Variants in KCTD8 observed in about 807,000 individuals in gnomAD.
KCTD8 encodes the protein BTB/POZ domain-containing protein KCTD8.
In KCTD8, 27 loss-of-function variants were observed where a neutral mutation model predicts 31.5. That is an observed-to-expected ratio of 0.86 (90% CI 0.63 to 1.18). The LOEUF (loss-of-function observed/expected upper bound fraction) is 1.18, where lower values mean the gene tolerates loss of function less well. KCTD8 is among the 50% of genes most tolerant of loss of function. The pLI, the probability that KCTD8 is intolerant of heterozygous loss-of-function variation, is 0.00. For missense variants in KCTD8, 658 were observed against 647.7 expected (o/e 1.02, Z -0.17); for synonymous variants, 290 against 280.0 (o/e 1.04, Z -0.36).
At chr4:44,308,283 T>C (rs189873815) in intron 1 of KCTD8, among the ~76,000 whole-genome samples, 143 of 151,854 alleles carry the variant, frequency 9.4e-4, no homozygotes, top group African/African-American at 3.4e-3. Flanking sequence ...AATCAATAAG[T>C]GCTCACTAAG....
chr4:44,225,293 CTT>C (rs1432631411), intron 1 of KCTD8, among the ~76,000 whole-genome samples: 22 of 152,230 alleles, frequency 1.4e-4, no homozygotes, highest in African/African-American at 5.3e-4. Flanking sequence ...TTCCTTTCTG[CTT>C]TGTTTCCACA....
At chr4:44,216,121 C>T (rs760856133) in intron 1 of KCTD8, among the ~76,000 whole-genome samples, 17 of 152,040 alleles carry the variant, frequency 1.1e-4, no homozygotes, top group Non-Finnish European at 2.4e-4. Flanking sequence ...CAATTCTAAA[C>T]GAGAGTTTAT....
At chr4:44,282,711 T>G (rs1193651559) in intron 1 of KCTD8, among the ~76,000 whole-genome samples, 1 of 152,092 alleles carries the variant, frequency 6.6e-6, no homozygotes. Flanking sequence ...AAAAGAGCCT[T>G]ATTTTTGATA....
intron 1 of KCTD8, among the ~76,000 whole-genome samples, chr4:44,259,783 G>A (rs1434703230): frequency 6.6e-6 from 1 of 151,882 alleles, no homozygotes; most frequent in Non-Finnish European, 1.5e-5. Context: ...AAGTGTTGAT[G>A]TGAGTGAGCA....
chr4:44,303,155 A>C (rs577406247), intron 1 of KCTD8, among the ~76,000 whole-genome samples: 2 of 152,254 alleles, frequency 1.3e-5, no homozygotes, highest in East Asian at 3.9e-4. Flanking sequence ...ATCGATGTTC[A>C]TCAAGGATAT....
chr4:44,359,976 T>C (rs1482545997), intron 1 of KCTD8, among the ~76,000 whole-genome samples: 1 of 152,056 alleles, frequency 6.6e-6, no homozygotes, highest in East Asian at 1.9e-4. Flanking sequence ...TTATGTAGAT[T>C]ATTACATTAA....
chr4:44,228,979 A>G (rs1715043225), intron 1 of KCTD8, among the ~76,000 whole-genome samples: 1 of 152,194 alleles, frequency 6.6e-6, no homozygotes, highest in African/African-American at 2.4e-5. Context: ...TTTCATTTTC[A>G]CCAGACTTCC....
intron 1 of KCTD8, among the ~76,000 whole-genome samples, chr4:44,322,486 C>A (rs1380571226): frequency 6.6e-6 from 1 of 151,914 alleles, no homozygotes; most frequent in Non-Finnish European, 1.5e-5. Flanking sequence ...TTAATATAGT[C>A]TAGTAATTAA....
At chr4:44,363,813 T>C (rs537805017) in intron 1 of KCTD8, among the ~76,000 whole-genome samples, 1 of 152,142 alleles carries the variant, frequency 6.6e-6, no homozygotes, top group Non-Finnish European at 1.5e-5. Flanking sequence ...ACATGGGGGT[T>C]GGTTGAAGGA....
At chr4:44,323,525 T>A (rs1054024628) in intron 1 of KCTD8, among the ~76,000 whole-genome samples, 2 of 72,708 alleles carry the variant, frequency 2.8e-5, no homozygotes, top group Non-Finnish European at 4.9e-5. Context: ...AAATTAAAAA[T>A]TAAAAAAAAT....
At chr4:44,180,585 ATG>A (rs113405572) in intron 1 of KCTD8, among the ~76,000 whole-genome samples, 2,224 of 134,508 alleles carry the variant, frequency 0.017, 52 homozygotes, top group African/African-American at 0.07. Context: ...GTATACATAC[ATG>A]CACACACACA....
chr4:44,358,631 C>T (rs13129857), intron 1 of KCTD8, among the ~76,000 whole-genome samples: 8,764 of 151,720 alleles, frequency 0.058, 269 homozygotes, highest in Middle Eastern at 0.095. Flanking sequence ...TGTAGTGGCA[C>T]GATCTCGGCT....
At chr4:44,358,850 T>C (rs1719424445) in intron 1 of KCTD8, among the ~76,000 whole-genome samples, 1 of 152,226 alleles carries the variant, frequency 6.6e-6, no homozygotes, top group South Asian at 2.1e-4. Context: ...CCTGACTTTT[T>C]AATGATTGCC....
At chr4:44,440,143 G>A (rs948711086) in intron 1 of KCTD8, among the ~76,000 whole-genome samples, 1 of 151,846 alleles carries the variant, frequency 6.6e-6, no homozygotes, top group Non-Finnish European at 1.5e-5. Context: ...ATGTTGGCCA[G>A]GCTGGTCTTG....
At chr4:44,301,385 C>A (rs1717616793) in intron 1 of KCTD8, among the ~76,000 whole-genome samples, 1 of 152,100 alleles carries the variant, frequency 6.6e-6, no homozygotes, top group Non-Finnish European at 1.5e-5. Flanking sequence ...CCTGTTGTTT[C>A]CTGACTTTTT....
At chr4:44,353,055 T>C (rs919043935) in intron 1 of KCTD8, among the ~76,000 whole-genome samples, 3 of 152,142 alleles carry the variant, frequency 2.0e-5, no homozygotes, top group Non-Finnish European at 4.4e-5. Context: ...AAGTGGTGAT[T>C]ATCACTAGAA....
chr4:44,348,930 T>G (rs1162269708), intron 1 of KCTD8, among the ~76,000 whole-genome samples: 1 of 152,200 alleles, frequency 6.6e-6, no homozygotes. Context: ...TTTCTGATTT[T>G]TTTCCTCTCT....
Position 44,263,926 on chromosome 4 carries a change from C to T in KCTD8, c.962-88676G>A, listed in dbSNP as rs552890924. ...CATAAATTAAAATTTATTTTCCTTG[C>T]CAGGAACTACCTCCAATCTCCCACT... On this transcript the variant is annotated intron_variant, in intron 1 of 1. Transcript: ENST00000360029. 1.1e-4 allele frequency among the ~76,000 whole-genome samples: 17 copies of T among 152,270 alleles called. No homozygotes were observed. In the East Asian group the frequency reaches 3.1e-3, roughly 28 times the overall value.
chr4:44,268,059 C>T (rs952467254), intron 1 of KCTD8, among the ~76,000 whole-genome samples: 2 of 152,164 alleles, frequency 1.3e-5, no homozygotes, highest in African/African-American at 4.8e-5. Flanking sequence ...CAGCATCATC[C>T]TGATTCCAAA....
Sources: gnomAD v4.1 joint callset for allele counts (sites outside exome capture counted in the v4.1 genomes callset) on GRCh38, gnomAD v4.1.1 for gene constraint, MANE v1.5 for transcripts, NCBI Gene and HGNC (gene_info 2026-07-23, HGNC 2026-07-21) for gene names.